Variants in CAMTA1 observed in about 807,000 individuals in gnomAD.
The protein encoded by CAMTA1 is calmodulin binding transcription activator 1, also known as calmodulin-binding transcription activator 1.
CAMTA1 carries 27 observed loss-of-function variants against 170.9 expected under a neutral mutation model. The ratio of observed to expected loss-of-function variants is 0.16; its 90% CI spans 0.12 to 0.22. The LOEUF is 0.22. Among genes scored for constraint, CAMTA1 ranks in the 10% least tolerant of loss-of-function variants. CAMTA1 has a pLI of 1.00. For synonymous variants in CAMTA1, 833 were observed against 891.5 expected, an observed-to-expected ratio of 0.93 and a Z score of 1.17; for missense variants, 1,619 against 2,217.2, an observed-to-expected ratio of 0.73 and a Z score of 5.42.
At chr1:7,557,825 G>A (rs1431549249) in intron 6 of CAMTA1, among the ~76,000 whole-genome samples, 1 of 152,188 alleles carries the variant, frequency 6.6e-6, no homozygotes, top group Non-Finnish European at 1.5e-5. Context: ...GAGGCATCTC[G>A]GGATCTGGGG....
intron 11 of CAMTA1, among the ~76,000 whole-genome samples, chr1:7,696,338 G>A (rs982581910): frequency 6.6e-6 from 1 of 152,056 alleles, no homozygotes; most frequent in Non-Finnish European, 1.5e-5. Context: ...TGGGACTACA[G>A]GCACCACCAC....
chr1:7,261,483 A>G (rs142004583), intron 5 of CAMTA1, among the ~76,000 whole-genome samples: 8 of 152,202 alleles, frequency 5.3e-5, no homozygotes, highest in Non-Finnish European at 8.8e-5. Context: ...CAGATTTCCA[A>G]CGGAAGTGAG....
chr1:7,268,199 A>G (rs554239312), intron 5 of CAMTA1, among the ~76,000 whole-genome samples: 1 of 152,278 alleles, frequency 6.6e-6, no homozygotes, highest in East Asian at 1.9e-4. Flanking sequence ...GGAGGTGACA[A>G]CTAGAGTTTG....
At chr1:6,886,219 A>G (rs1211682527) in intron 3 of CAMTA1, 2 of 456,028 alleles carry the variant, frequency 4.4e-6, no homozygotes, top group East Asian at 6.9e-5. Flanking sequence ...AGAAGAATAA[A>G]TACTGTTTTT....
chr1:7,214,941 A>C (rs893593523), intron 4 of CAMTA1, among the ~76,000 whole-genome samples: 1 of 151,556 alleles, frequency 6.6e-6, no homozygotes, highest in African/African-American at 2.4e-5. Flanking sequence ...AGCTATCTTG[A>C]ATTAATTTTG....
chr1:6,958,533 A>G (rs1341549725), intron 3 of CAMTA1, among the ~76,000 whole-genome samples: 1 of 152,204 alleles, frequency 6.6e-6, no homozygotes, highest in African/African-American at 2.4e-5. Flanking sequence ...AGGGACCTCC[A>G]GCTCCAGGCC....
rs895168669 is a variant in CAMTA1 at position 7,425,838 on chromosome 1, C to G, written c.439-41992C>G. 2.0e-5 allele frequency among the ~76,000 whole-genome samples: 3 copies of G among 152,186 alleles called. No individual in the cohort carries two copies. The South Asian group carries it at 6.2e-4, about 32-fold the overall frequency. On this transcript the variant is annotated intron_variant, in intron 5 of 22. Transcript: ENST00000303635. ...TCTCCCTTTCACTTTGGGCCCTGGT[C>G]TCACTCTGTAGCCAGAGGGGCCCAG... is the stretch of plus-strand genomic sequence containing the variant.
chr1:7,182,474 A>G lies in CAMTA1; in HGVS notation c.303-67017A>G, dbSNP rs1238771359. Among the ~76,000 whole-genome samples, 3 of 150,924 alleles carry G rather than the reference A, an allele frequency of 2.0e-5. No homozygotes were observed. The East Asian group carries it at 5.8e-4, about 29-fold the overall frequency. ...GTGCCACTGTACTCCGGCCTGGGTG[A>G]CAGAGTGAACACCCCATCTCAGAAA... On this transcript the variant is annotated intron_variant, in intron 4 of 22. Coordinates refer to ENST00000303635, the MANE Select transcript of CAMTA1 (RefSeq NM_015215.4).
chr1:7,358,960 G>C (rs757331358), intron 5 of CAMTA1, among the ~76,000 whole-genome samples: 1 of 152,118 alleles, frequency 6.6e-6, no homozygotes, highest in Non-Finnish European at 1.5e-5. Context: ...CTGGAGCCTG[G>C]CAGCTTTGGC....
At chr1:6,904,156 G>T (rs1490674514) in intron 3 of CAMTA1, among the ~76,000 whole-genome samples, 2 of 152,074 alleles carry the variant, frequency 1.3e-5, no homozygotes, top group Admixed American at 6.5e-5. Flanking sequence ...CAGAAATCGT[G>T]CATCTGCCTC....
chr1:7,120,656 T>C (rs1304491964), intron 4 of CAMTA1, among the ~76,000 whole-genome samples: 1 of 152,080 alleles, frequency 6.6e-6, no homozygotes, highest in African/African-American at 2.4e-5. Context: ...GCCCAAGAGG[T>C]AGGGATAACG....
At chr1:7,201,533 G>A (rs1415277795) in intron 4 of CAMTA1, among the ~76,000 whole-genome samples, 1 of 152,090 alleles carries the variant, frequency 6.6e-6, no homozygotes, top group Non-Finnish European at 1.5e-5. Flanking sequence ...CAGTTTCTCT[G>A]TCAACACTTG....
intron 6 of CAMTA1, among the ~76,000 whole-genome samples, chr1:7,511,299 G>A (rs1413712863): frequency 2.7e-5 from 4 of 145,586 alleles, no homozygotes; most frequent in Admixed American, 6.9e-5. Flanking sequence ...TAGTAGCTCC[G>A]TGACCTTGAG....
intron 6 of CAMTA1, among the ~76,000 whole-genome samples, chr1:7,590,736 C>A (rs774928498): frequency 6.6e-6 from 1 of 152,168 alleles, no homozygotes; most frequent in Non-Finnish European, 1.5e-5. Context: ...GGACCGGCAC[C>A]TTTGCCCACC....
rs1014781627 is a variant in CAMTA1 at position 7,393,116 on chromosome 1, T to A, written c.439-74714T>A. Among the ~76,000 whole-genome samples, 17 of 152,338 alleles carry A rather than the reference T, an allele frequency of 1.1e-4. No individual in the cohort carries two copies. The East Asian group carries it at 2.5e-3, about 22-fold the overall frequency. ...TGCCAGCATTTAGTATTGTTGTTTT[T>A]AAAGCTATTCTAATAGGTACATAGT... is the stretch of plus-strand genomic sequence containing the variant. On this transcript the variant is annotated intron_variant, in intron 5 of 22. Coordinates refer to ENST00000303635, the MANE Select transcript of CAMTA1 (RefSeq NM_015215.4).
intron 3 of CAMTA1, among the ~76,000 whole-genome samples, chr1:7,005,736 C>T (rs560188861): frequency 9.6e-4 from 146 of 152,284 alleles, no homozygotes; most frequent in Non-Finnish European, 1.9e-3. Context: ...AAGGCTTCCT[C>T]GAGGGAGGGA....
At chr1:7,494,942 T>C (rs1293598818) in intron 6 of CAMTA1, among the ~76,000 whole-genome samples, 1 of 152,120 alleles carries the variant, frequency 6.6e-6, no homozygotes, top group African/African-American at 2.4e-5. Flanking sequence ...TCCCTCCTGT[T>C]CTCTACGCCC....
At chr1:7,054,062 A>G (rs772652020) in intron 3 of CAMTA1, among the ~76,000 whole-genome samples, 1 of 152,164 alleles carries the variant, frequency 6.6e-6, no homozygotes, top group African/African-American at 2.4e-5. Context: ...AGCACAGACC[A>G]TCGTCCTCAC....
At chr1:7,364,375 G>A (rs1236244232) in intron 5 of CAMTA1, among the ~76,000 whole-genome samples, 1 of 152,010 alleles carries the variant, frequency 6.6e-6, no homozygotes, top group South Asian at 2.1e-4. Flanking sequence ...GTAAGAGGCT[G>A]TTCCTGATAG....
Sources: allele counts gnomAD v4.1 joint callset (sites outside exome capture counted in the v4.1 genomes callset), GRCh38; gene constraint gnomAD v4.1.1; transcripts MANE v1.5; gene names NCBI Gene and HGNC (gene_info 2026-07-23, HGNC 2026-07-21).